SORCS2: variants seen among roughly 807,000 people sequenced by gnomAD.
SORCS2 encodes the protein sortilin related VPS10 domain containing receptor 2.
A neutral mutation model predicts 141.6 loss-of-function variants in SORCS2; 100 were observed. The ratio of observed to expected loss-of-function variants is 0.71; its 90% CI spans 0.60 to 0.83. The LOEUF (loss-of-function observed/expected upper bound fraction) is 0.83. Ranked by LOEUF, SORCS2 falls within the 40% of genes least tolerant of loss-of-function variation. SORCS2 has a pLI of 0.00. For missense variants in SORCS2, 1,646 were observed against 1,560.2 expected (o/e 1.05, Z -0.93); for synonymous variants, 789 against 676.9 (o/e 1.17, Z -2.57).
chr4:7,452,788 G>C (rs564394789), intron 2 of SORCS2, among the ~76,000 whole-genome samples: 2 of 152,242 alleles, frequency 1.3e-5, no homozygotes, highest in Non-Finnish European at 2.9e-5. Flanking sequence ...GAGCTTGGAC[G>C]TGTTAGTGTC....
At chr4:7,320,815 G>C (rs1021200915) in intron 1 of SORCS2, among the ~76,000 whole-genome samples, 2 of 152,154 alleles carry the variant, frequency 1.3e-5, no homozygotes, top group African/African-American at 4.8e-5. Context: ...CACTCGCTCA[G>C]TTCATGCATT....
At chr4:7,561,635 T>C (rs560372177) in intron 3 of SORCS2, among the ~76,000 whole-genome samples, 1 of 151,842 alleles carries the variant, frequency 6.6e-6, no homozygotes, top group South Asian at 2.1e-4. Context: ...TACCCATTCA[T>C]CTACCCATCC....
intron 1 of SORCS2, among the ~76,000 whole-genome samples, chr4:7,271,324 C>T (rs929858603): frequency 2.6e-5 from 4 of 152,230 alleles, no homozygotes; most frequent in Non-Finnish European, 5.9e-5. Flanking sequence ...AATTCAGCCC[C>T]TGTTCCTATT....
intron 3 of SORCS2, among the ~76,000 whole-genome samples, chr4:7,628,814 A>G (rs1169515655): frequency 6.6e-6 from 1 of 152,216 alleles, no homozygotes; most frequent in Non-Finnish European, 1.5e-5. Context: ...GGCAGTGTGG[A>G]TGCCTAATGC....
At chr4:7,724,132 G>GGTGGTGATATTGATGATA (rs1560112897) in intron 19 of SORCS2, among the ~76,000 whole-genome samples, 2 of 143,230 alleles carry the variant, frequency 1.4e-5, no homozygotes, top group African/African-American at 2.7e-5. Context: ...TGGTGGTGGT[G>GGTGGTGATATTGATGATA]GTGGTGGTGA....
chr4:7,263,772 C>T (rs557897713), intron 1 of SORCS2, among the ~76,000 whole-genome samples: 2 of 152,332 alleles, frequency 1.3e-5, no homozygotes, highest in African/African-American at 4.8e-5. Flanking sequence ...TGGACACCCA[C>T]CTCATGGTGT....
chr4:7,702,288 G>A (rs889188453), intron 12 of SORCS2, among the ~76,000 whole-genome samples: 12 of 152,322 alleles, frequency 7.9e-5, no homozygotes, highest in African/African-American at 1.9e-4. Flanking sequence ...GGTATGGGGC[G>A]AGGGCGATGT....
chr4:7,626,485 C>G (rs898543024), intron 3 of SORCS2, among the ~76,000 whole-genome samples: 11 of 152,228 alleles, frequency 7.2e-5, no homozygotes, highest in African/African-American at 2.7e-4. Context: ...TCTCGTCACC[C>G]AGAAACAAAC....
At chr4:7,344,939 G>C (rs1024663225) in intron 1 of SORCS2, among the ~76,000 whole-genome samples, 36 of 152,190 alleles carry the variant, frequency 2.4e-4, no homozygotes, top group African/African-American at 7.9e-4. Context: ...GGGCCACCCA[G>C]ACCCCAGTCT....
chr4:7,393,108 G>T (rs531077917), intron 1 of SORCS2, among the ~76,000 whole-genome samples: 1 of 152,130 alleles, frequency 6.6e-6, no homozygotes, highest in African/African-American at 2.4e-5. Flanking sequence ...GCATCCTGAC[G>T]AGCCTTTGAA....
chr4:7,564,895 C>T (rs1280171898), intron 3 of SORCS2, among the ~76,000 whole-genome samples: 1 of 152,172 alleles, frequency 6.6e-6, no homozygotes, highest in Non-Finnish European at 1.5e-5. Flanking sequence ...GCCTTAGTTA[C>T]CTGTATCAAC....
chr4:7,733,771 C>T (rs924416129), intron 24 of SORCS2, among the ~76,000 whole-genome samples: 9 of 152,334 alleles, frequency 5.9e-5, no homozygotes, highest in African/African-American at 1.9e-4. Context: ...GTAAAGACAC[C>T]GTGCCCTTGA....
chr4:7,332,579 T>C (rs1467241767), intron 1 of SORCS2, among the ~76,000 whole-genome samples: 1 of 152,196 alleles, frequency 6.6e-6, no homozygotes, highest in African/African-American at 2.4e-5. Flanking sequence ...TTCAGCCCCA[T>C]GAAGCAAAGC....
chr4:7,610,395 C>T (rs1197280126), intron 3 of SORCS2, among the ~76,000 whole-genome samples: 1 of 152,052 alleles, frequency 6.6e-6, no homozygotes, highest in Non-Finnish European at 1.5e-5. Flanking sequence ...TGTCCTCCAC[C>T]AGGGCCCCCA....
At chr4:7,448,668 G>GCCTTCCTCCTTCCCTT (rs1728173453) in intron 2 of SORCS2, among the ~76,000 whole-genome samples, 1 of 122,074 alleles carries the variant, frequency 8.2e-6, no homozygotes, top group Non-Finnish European at 1.7e-5. Flanking sequence ...CTCCGTCCCT[G>GCCTTCCTCCTTCCCTT]CCTTCCTCCT....
intron 7 of SORCS2, among the ~76,000 whole-genome samples, chr4:7,665,717 C>T (rs4689816): frequency 1.3e-5 from 2 of 152,186 alleles, no homozygotes; most frequent in Admixed American, 1.3e-4. Context: ...CTGAACCCCC[C>T]ACCTGCTTTC....
At chr4:7,541,066 C>T (rs1248922925) in intron 3 of SORCS2, among the ~76,000 whole-genome samples, 2 of 152,206 alleles carry the variant, frequency 1.3e-5, no homozygotes, top group African/African-American at 4.8e-5. Flanking sequence ...TCTGTCATGA[C>T]CATGGACTGA....
intron 1 of SORCS2, among the ~76,000 whole-genome samples, chr4:7,221,084 C>T (rs1728677329): frequency 6.6e-6 from 1 of 152,222 alleles, no homozygotes; most frequent in African/African-American, 2.4e-5. Context: ...CCCAATTAAA[C>T]ATACAATCAT....
intron 10 of SORCS2, 54 bp downstream of exon 10, chr4:7,682,943 A>G (rs984993112): frequency 1.3e-6 from 2 of 1,577,104 alleles, no homozygotes; most frequent in Admixed American, 3.7e-5. Context: ...GCTAGATATA[A>G]CTTCAGTAAT....
Sources: gnomAD v4.1 joint callset for allele counts (sites outside exome capture counted in the v4.1 genomes callset) on GRCh38, gnomAD v4.1.1 for gene constraint, MANE v1.5 for transcripts, NCBI Gene and HGNC (gene_info 2026-07-23, HGNC 2026-07-21) for gene names.